Variants in PLCB1 observed in about 807,000 individuals in gnomAD.
PLCB1 encodes the protein phospholipase C beta 1, also known as 1-phosphatidylinositol 4,5-bisphosphate phosphodiesterase beta-1.
In PLCB1, 46 loss-of-function variants were observed where a neutral mutation model predicts 161.8. The observed-to-expected ratio is 0.28, with a 90% CI of 0.22 to 0.36. PLCB1 has a LOEUF of 0.36. Among genes scored for constraint, PLCB1 ranks in the 10% least tolerant of loss-of-function variants. The probability of loss-of-function intolerance (pLI) is 1.00; values close to 1 mark genes in which losing one functional copy is unlikely to be tolerated. For missense variants in PLCB1, 1,016 were observed against 1,472.5 expected (o/e 0.69, Z 5.07); for synonymous variants, 517 against 503.7 (o/e 1.03, Z -0.35).
At chr20:8,243,374 G>A (rs1242660653) in intron 2 of PLCB1, among the ~76,000 whole-genome samples, 2 of 152,052 alleles carry the variant, frequency 1.3e-5, no homozygotes, top group South Asian at 4.2e-4. Context: ...TGTACTAATA[G>A]GACCTAGCCA....
intron 9 of PLCB1, among the ~76,000 whole-genome samples, chr20:8,684,568 C>T (rs564570278): frequency 4.6e-5 from 7 of 151,894 alleles, no homozygotes; most frequent in South Asian, 2.1e-4. Flanking sequence ...AAGTAACATA[C>T]ATTAATAAGA....
chr20:8,758,051 G>C (rs1445299642), intron 24 of PLCB1, among the ~76,000 whole-genome samples: 2 of 151,456 alleles, frequency 1.3e-5, no homozygotes, highest in African/African-American at 4.9e-5. Flanking sequence ...ATCACACAGT[G>C]CTGGGGAATA....
intron 2 of PLCB1, among the ~76,000 whole-genome samples, chr20:8,269,208 A>G (rs904142263): frequency 6.6e-6 from 1 of 151,906 alleles, no homozygotes; most frequent in Non-Finnish European, 1.5e-5. Flanking sequence ...TATATTAGGT[A>G]TTTCTCCTAA....
At chr20:8,646,241 C>T (rs1989170067) in intron 5 of PLCB1, 60 bp downstream of exon 5, 1 of 1,126,674 alleles carries the variant, frequency 8.9e-7, no homozygotes, top group South Asian at 1.2e-5. Flanking sequence ...TTTCCTTTCT[C>T]CTTTGTGAGT....
At chr20:8,253,041 C>T (rs1178133461) in intron 2 of PLCB1, among the ~76,000 whole-genome samples, 1 of 151,928 alleles carries the variant, frequency 6.6e-6, no homozygotes, top group Non-Finnish European at 1.5e-5. Context: ...ATATGGTCTC[C>T]TGTAGCAAAT....
Position 8,789,585 on chromosome 20 carries a change from C to A in PLCB1, c.3336+10C>A. On this transcript the variant is annotated intron_variant, in intron 30 of 31. Transcript: ENST00000338037. The stretch of plus-strand genomic sequence containing the variant: ...GCAGTATATCAAGAGGGTATGTGGG[C>A]TCATCACGCTCTCTCCTTTGCAAAA... 1 of 1,589,502 alleles carries A rather than the reference C, an allele frequency of 6.3e-7. No individual in the cohort carries two copies.
chr20:8,237,560 T>C (rs930403999), intron 2 of PLCB1, among the ~76,000 whole-genome samples: 1 of 152,128 alleles, frequency 6.6e-6, no homozygotes, highest in Non-Finnish European at 1.5e-5. Flanking sequence ...ATGATAAAAA[T>C]CATATTTCAT....
rs539922962 is a variant in PLCB1 at position 8,724,096 on chromosome 20, A to C, written c.1582-560A>C. 7.2e-5 allele frequency among the ~76,000 whole-genome samples: 11 copies of C among 151,954 alleles called. No individual in the cohort carries two copies. In the South Asian group the frequency reaches 2.3e-3, roughly 32 times the overall value. The stretch of plus-strand genomic sequence containing the variant: ...TGGGAGGAGGGAGAGGATCAGGAAA[A>C]ATAACTAATGGATGCCAGGCTTAAT... On this transcript the variant is annotated intron_variant, in intron 15 of 31. Transcript: ENST00000338037.
chr20:8,797,812 G>A (rs1984100912), intron 31 of PLCB1, among the ~76,000 whole-genome samples: 1 of 152,230 alleles, frequency 6.6e-6, no homozygotes, highest in Non-Finnish European at 1.5e-5. Context: ...GGCAAAAGCA[G>A]CTTCCTTGCT....
At chr20:8,684,401 G>A (rs1044996832) in intron 9 of PLCB1, among the ~76,000 whole-genome samples, 22 of 151,728 alleles carry the variant, frequency 1.4e-4, no homozygotes, top group African/African-American at 4.4e-4. Context: ...GATTACAGGC[G>A]CCCACCATGC....
chr20:8,146,340 A>G (rs1253159670), intron 1 of PLCB1, among the ~76,000 whole-genome samples: 1 of 152,210 alleles, frequency 6.6e-6, no homozygotes, highest in Non-Finnish European at 1.5e-5. Context: ...TGAGGAAGTC[A>G]CTTAGCCCAA....
intron 27 of PLCB1, among the ~76,000 whole-genome samples, chr20:8,777,804 T>C (rs899804734): frequency 4.6e-5 from 7 of 151,744 alleles, no homozygotes; most frequent in Non-Finnish European, 1.0e-4. Context: ...CTGGGCAATA[T>C]GAAGGAGGTT....
At chr20:8,311,682 C>G (rs556561383) in intron 2 of PLCB1, among the ~76,000 whole-genome samples, 1 of 152,286 alleles carries the variant, frequency 6.6e-6, no homozygotes, top group African/African-American at 2.4e-5. Flanking sequence ...GAAATGCTAT[C>G]ATAACTCCGG....
intron 3 of PLCB1, among the ~76,000 whole-genome samples, chr20:8,484,800 C>T (rs1982653105): frequency 6.6e-6 from 1 of 152,136 alleles, no homozygotes. Context: ...CAAGTTGTTT[C>T]TTGTTCACTT....
intron 1 of PLCB1, chr20:8,141,837 G>T (rs73895525): frequency 6.6e-6 from 1 of 152,114 alleles, no homozygotes; most frequent in Non-Finnish European, 1.5e-5. Context: ...CTCGACATAC[G>T]TGTAAATGTT....
At chr20:8,230,976 T>G (rs1044782618) in intron 2 of PLCB1, among the ~76,000 whole-genome samples, 2 of 152,118 alleles carry the variant, frequency 1.3e-5, no homozygotes, top group Non-Finnish European at 2.9e-5. Context: ...ACCATCACCC[T>G]CATTGTTCCT....
At chr20:8,175,015 G>C (rs1027235938) in intron 2 of PLCB1, among the ~76,000 whole-genome samples, 1 of 152,128 alleles carries the variant, frequency 6.6e-6, no homozygotes, top group Non-Finnish European at 1.5e-5. Context: ...GGGGCAGTGA[G>C]CTGTCACTGT....
At chr20:8,206,085 A>G (rs1322138518) in intron 2 of PLCB1, among the ~76,000 whole-genome samples, 1 of 152,190 alleles carries the variant, frequency 6.6e-6, no homozygotes, top group Non-Finnish European at 1.5e-5. Context: ...GAATCAACTA[A>G]CATCCTCCTA....
chr20:8,710,486 T>C (rs969383395), intron 12 of PLCB1, among the ~76,000 whole-genome samples: 1 of 150,998 alleles, frequency 6.6e-6, no homozygotes, highest in Non-Finnish European at 1.5e-5. Flanking sequence ...GGTATTATAG[T>C]TTCGACTTGA....
Sources: allele counts gnomAD v4.1 joint callset (sites outside exome capture counted in the v4.1 genomes callset), GRCh38; gene constraint gnomAD v4.1.1; transcripts MANE v1.5; gene names NCBI Gene and HGNC (gene_info 2026-07-23, HGNC 2026-07-21).